GRIK4: variants seen among roughly 807,000 people sequenced by gnomAD.
GRIK4 encodes the protein glutamate ionotropic receptor kainate type subunit 4, also known as glutamate receptor ionotropic, kainate 4.
In GRIK4, 40 loss-of-function variants were observed where a neutral mutation model predicts 104.9. The ratio of observed to expected loss-of-function variants is 0.38; its 90% CI spans 0.30 to 0.50. The LOEUF (loss-of-function observed/expected upper bound fraction) is 0.50, where lower values mean the gene tolerates loss of function less well. Among genes scored for constraint, GRIK4 ranks in the 20% least tolerant of loss-of-function variants. The pLI, the probability that GRIK4 is intolerant of heterozygous loss-of-function variation, is 0.93. For synonymous variants in GRIK4, 485 were observed against 524.9 expected, an observed-to-expected ratio of 0.92 and a Z score of 1.04; for missense variants, 1,047 against 1,308.1, an observed-to-expected ratio of 0.80 and a Z score of 3.08.
At chr11:120,755,381 G>A (rs1039679005) in intron 3 of GRIK4, among the ~76,000 whole-genome samples, 2 of 152,144 alleles carry the variant, frequency 1.3e-5, no homozygotes, top group Non-Finnish European at 2.9e-5. Context: ...CGATGTGGGA[G>A]GATTGCTAGA....
intron 1 of GRIK4, among the ~76,000 whole-genome samples, chr11:120,571,766 C>T (rs1948403284): frequency 6.6e-6 from 1 of 152,146 alleles, no homozygotes; most frequent in African/African-American, 2.4e-5. Context: ...TAGACTATGT[C>T]TAGGGCCTGG....
intron 19 of GRIK4, among the ~76,000 whole-genome samples, chr11:120,977,270 G>C (rs1170219503): frequency 6.6e-6 from 1 of 152,112 alleles, no homozygotes; most frequent in African/African-American, 2.4e-5. Flanking sequence ...CCATCTGCCT[G>C]CATGGTTTAT....
intron 11 of GRIK4, among the ~76,000 whole-genome samples, chr11:120,888,566 G>T (rs1955185326): frequency 6.6e-6 from 1 of 152,136 alleles, no homozygotes; most frequent in African/African-American, 2.4e-5. Context: ...TGATGCAAAA[G>T]AATATATTTA....
At chr11:120,580,239 C>A (rs891408682) in intron 1 of GRIK4, among the ~76,000 whole-genome samples, 1 of 139,448 alleles carries the variant, frequency 7.2e-6, no homozygotes, top group South Asian at 2.2e-4. Context: ...TTCTTTCTTT[C>A]TTTCTTTCTT....
chr11:120,836,882 T>C (rs1953586945), intron 8 of GRIK4, 38 bp downstream of exon 8: 2 of 1,263,662 alleles, frequency 1.6e-6, no homozygotes, highest in Non-Finnish European at 1.2e-6. Flanking sequence ...TGGAAGAGAG[T>C]GTTGTCAGTG....
intron 13 of GRIK4, among the ~76,000 whole-genome samples, chr11:120,911,402 C>A (rs1291383491): frequency 1.3e-5 from 2 of 149,564 alleles, no homozygotes; most frequent in African/African-American, 2.4e-5. Flanking sequence ...CCATGCCCGG[C>A]TAATTTTTGT....
At chr11:120,747,654 C>T (rs1951468873) in intron 3 of GRIK4, among the ~76,000 whole-genome samples, 1 of 152,182 alleles carries the variant, frequency 6.6e-6, no homozygotes, top group Non-Finnish European at 1.5e-5. Flanking sequence ...GTTCTATGCG[C>T]CGTTCCCATT....
At chr11:120,818,526 A>G (rs780212629) in intron 5 of GRIK4, among the ~76,000 whole-genome samples, 1 of 152,144 alleles carries the variant, frequency 6.6e-6, no homozygotes, top group East Asian at 1.9e-4. Context: ...CCCTCTCCCT[A>G]TGGTTTAAAG....
chr11:120,949,771 T>C (rs750556767), intron 14 of GRIK4, among the ~76,000 whole-genome samples: 9 of 152,188 alleles, frequency 5.9e-5, no homozygotes, highest in Non-Finnish European at 8.8e-5. Flanking sequence ...ATGGCACAGC[T>C]TGATGAATGA....
At chr11:120,755,131 T>C (rs1951630315) in intron 3 of GRIK4, among the ~76,000 whole-genome samples, 2 of 152,186 alleles carry the variant, frequency 1.3e-5, no homozygotes, top group Non-Finnish European at 1.5e-5. Flanking sequence ...TCAACAGTTA[T>C]TGAGACTGTC....
At chr11:120,630,161 G>A (rs1040563982) in intron 1 of GRIK4, among the ~76,000 whole-genome samples, 1 of 152,330 alleles carries the variant, frequency 6.6e-6, no homozygotes, top group Admixed American at 6.5e-5. Flanking sequence ...AGGCTACAGA[G>A]TCATCCTCTG....
intron 9 of GRIK4, chr11:120,872,930 C>G (rs1043685303): frequency 6.6e-6 from 1 of 152,456 alleles, no homozygotes; most frequent in Non-Finnish European, 1.5e-5. Flanking sequence ...AACATTGTAT[C>G]CACTTATTGG....
intron 1 of GRIK4, among the ~76,000 whole-genome samples, chr11:120,621,964 A>C (rs1949195186): frequency 6.6e-6 from 1 of 151,904 alleles, no homozygotes; most frequent in Non-Finnish European, 1.5e-5. Context: ...CCGGTGGTGC[A>C]ATCTCAGCTC....
At chr11:120,592,101 C>T (rs1948741605) in intron 1 of GRIK4, among the ~76,000 whole-genome samples, 2 of 152,178 alleles carry the variant, frequency 1.3e-5, no homozygotes, top group South Asian at 4.1e-4. Flanking sequence ...CCTTGCTTTA[C>T]AGAAAAAGAT....
At chr11:120,530,860 G>A (rs1470881129) in intron 1 of GRIK4, among the ~76,000 whole-genome samples, 2 of 152,140 alleles carry the variant, frequency 1.3e-5, no homozygotes, top group African/African-American at 2.4e-5. Context: ...GTTAGACCCC[G>A]CTTCCCTACA....
chr11:120,530,623 G>C (rs571582917), intron 1 of GRIK4, among the ~76,000 whole-genome samples: 1 of 152,182 alleles, frequency 6.6e-6, no homozygotes, highest in Non-Finnish European at 1.5e-5. Flanking sequence ...CCCAAACCTG[G>C]GTTCCAGACG....
chr11:120,628,451 C>T (rs1044953175), intron 1 of GRIK4, among the ~76,000 whole-genome samples: 7 of 152,216 alleles, frequency 4.6e-5, no homozygotes, highest in African/African-American at 1.7e-4. Context: ...CCCTGGGCCT[C>T]CCTGACCACC....
At chr11:120,886,196 C>T (rs1854701296) in intron 11 of GRIK4, among the ~76,000 whole-genome samples, 1 of 152,234 alleles carries the variant, frequency 6.6e-6, no homozygotes, top group African/African-American at 2.4e-5. Flanking sequence ...CACTGATGTG[C>T]ACGTTCCCAG....
intron 6 of GRIK4, among the ~76,000 whole-genome samples, chr11:120,821,829 C>T (rs902008504): frequency 3.9e-5 from 6 of 152,162 alleles, no homozygotes; most frequent in Admixed American, 6.5e-5. Flanking sequence ...ACTCTATGTA[C>T]GGCATAAGAG....
Sources: allele counts gnomAD v4.1 joint callset (sites outside exome capture counted in the v4.1 genomes callset), GRCh38; gene constraint gnomAD v4.1.1; transcripts MANE v1.5; gene names NCBI Gene and HGNC (gene_info 2026-07-23, HGNC 2026-07-21).